Variants in DTNA observed in about 807,000 individuals in gnomAD.
DTNA encodes dystrophin-related protein 3.
A neutral mutation model predicts 100.7 loss-of-function variants in DTNA; 43 were observed. The ratio of observed to expected loss-of-function variants is 0.43; its 90% CI spans 0.33 to 0.55. DTNA has a LOEUF of 0.55. Among genes scored for constraint, DTNA ranks in the 20% least tolerant of loss-of-function variants. The pLI is 0.04. For missense variants in DTNA, 798 were observed against 953.9 expected, an observed-to-expected ratio of 0.84 and a Z score of 2.15; for synonymous variants, 349 against 347.9, an observed-to-expected ratio of 1.00 and a Z score of -0.04.
At chr18:34,684,308 C>T (rs1265950099) in intron 1 of DTNA, among the ~76,000 whole-genome samples, 4 of 152,124 alleles carry the variant, frequency 2.6e-5, no homozygotes, top group African/African-American at 7.2e-5. Context: ...TGCCCCCCAT[C>T]CCGCAACAAG....
chr18:34,883,160 T>G (rs1032299229), intron 21 of DTNA, among the ~76,000 whole-genome samples: 10 of 152,228 alleles, frequency 6.6e-5, no homozygotes, highest in African/African-American at 2.4e-4. Context: ...ATGTTCCTTT[T>G]CCCTTTAATT....
chr18:34,706,632 A>T (rs1311186151), upstream of DTNA, among the ~76,000 whole-genome samples: 1 of 152,198 alleles, frequency 6.6e-6, no homozygotes, highest in Admixed American at 6.5e-5. Context: ...TTAAAAACGG[A>T]TATTTTCTGT....
intron 17 of DTNA, among the ~76,000 whole-genome samples, chr18:34,864,395 A>G (rs1055456372): frequency 6.6e-6 from 1 of 152,000 alleles, no homozygotes; most frequent in African/African-American, 2.4e-5. Context: ...CTGGGACTAC[A>G]GGCCCCCGCC....
intron 1 of DTNA, among the ~76,000 whole-genome samples, chr18:34,622,431 C>T (rs1303114845): frequency 6.6e-6 from 1 of 152,106 alleles, no homozygotes; most frequent in Non-Finnish European, 1.5e-5. Flanking sequence ...GTGTACATGA[C>T]AGTGAGGTGG....
At chr18:34,498,003 G>C (rs189111515) in intron 1 of DTNA, among the ~76,000 whole-genome samples, 502 of 152,244 alleles carry the variant, frequency 3.3e-3, no homozygotes, top group African/African-American at 0.012. Context: ...TTTTAAGGCT[G>C]GGCACGGTGG....
intron 1 of DTNA, among the ~76,000 whole-genome samples, chr18:34,546,251 C>A (rs1199749179): frequency 6.6e-6 from 1 of 152,100 alleles, no homozygotes; most frequent in Non-Finnish European, 1.5e-5. Context: ...ATACTCCCTC[C>A]TTCTGGCCTC....
intron 1 of DTNA, among the ~76,000 whole-genome samples, chr18:34,527,725 A>G (rs1261662392): frequency 1.3e-5 from 2 of 152,138 alleles, no homozygotes; most frequent in African/African-American, 2.4e-5. Flanking sequence ...GCCTAGTTCC[A>G]GGTCAGAGAA....
At position 34,888,975 on chromosome 18, in the gene DTNA, A is replaced by T. The variant is rs1411476014; in HGVS notation, c.*1241A>T. On this transcript the variant is annotated 3_prime_UTR_variant, in exon 23 of 23. Transcript: ENST00000444659. ...AAGTTGAGTTGGGATTTTTGCACTCAGTGAAAAGCTGAAGTGCAAAAGAGC... is the reference window on the plus strand; with the variant it reads ...AAGTTGAGTTGGGATTTTTGCACTCTGTGAAAAGCTGAAGTGCAAAAGAGC... 4 of 985,778 alleles carry T rather than the reference A, an allele frequency of 4.1e-6. No individual in the cohort carries two copies. The highest frequency in any genetic ancestry group is 4.8e-6 in the Non-Finnish European group (4 of 829,944). The allele number at this position is 985,778 out of a possible 1,614,324, so 61.1% of individuals were successfully genotyped here.
At chr18:34,649,201 A>G (rs907561989) in intron 1 of DTNA, among the ~76,000 whole-genome samples, 6 of 152,144 alleles carry the variant, frequency 3.9e-5, no homozygotes, top group Non-Finnish European at 8.8e-5. Context: ...GTCTGTATTT[A>G]TCATCTTGAA....
chr18:34,709,627 C>A (rs1403933113), upstream of DTNA: 1 of 152,156 alleles, frequency 6.6e-6, no homozygotes, highest in African/African-American at 2.4e-5. Flanking sequence ...TAGAGCCCTC[C>A]CCACCTCAGC....
At chr18:34,753,275 C>T (rs1484522311) in intron 1 of DTNA, among the ~76,000 whole-genome samples, 2 of 152,140 alleles carry the variant, frequency 1.3e-5, no homozygotes, top group Admixed American at 1.3e-4. Context: ...CCTGCAAGTT[C>T]AGATGCCAGG....
At chr18:34,540,410 A>G (rs1366054881) in intron 1 of DTNA, among the ~76,000 whole-genome samples, 1 of 152,030 alleles carries the variant, frequency 6.6e-6, no homozygotes, top group Non-Finnish European at 1.5e-5. Flanking sequence ...TATCATTTAT[A>G]TGATTTTCAT....
intron 1 of DTNA, among the ~76,000 whole-genome samples, chr18:34,652,975 A>G (rs2073820225): frequency 6.6e-6 from 1 of 152,132 alleles, no homozygotes; most frequent in African/African-American, 2.4e-5. Context: ...CTTCCTAATG[A>G]TCCACATTGC....
chr18:34,821,968 C>A (rs531733813), intron 9 of DTNA, among the ~76,000 whole-genome samples: 1 of 152,144 alleles, frequency 6.6e-6, no homozygotes, highest in South Asian at 2.1e-4. Flanking sequence ...TGTTGGGTCA[C>A]GTCTGTGAGC....
chr18:34,703,871 C>T (rs1054035482), intron 1 of DTNA, among the ~76,000 whole-genome samples: 2 of 152,084 alleles, frequency 1.3e-5, no homozygotes, highest in African/African-American at 4.8e-5. Context: ...CAATAGTGTG[C>T]ATTTCTTCAG....
At chr18:34,763,667 G>T (rs1005206250) in intron 2 of DTNA, among the ~76,000 whole-genome samples, 1 of 152,096 alleles carries the variant, frequency 6.6e-6, no homozygotes, top group East Asian at 1.9e-4. Context: ...TTCTATACAG[G>T]TAAAGCAATA....
At chr18:34,778,496 T>C (rs1383645321) in intron 3 of DTNA, among the ~76,000 whole-genome samples, 1 of 152,228 alleles carries the variant, frequency 6.6e-6, no homozygotes, top group East Asian at 1.9e-4. Flanking sequence ...TTCAGTGGCA[T>C]TGAATACATT....
chr18:34,760,150 C>G (rs1329045581), intron 2 of DTNA: 1 of 152,152 alleles, frequency 6.6e-6, no homozygotes, highest in Non-Finnish European at 1.5e-5. Context: ...ACCCCACCAC[C>G]GTAGGTTCAT....
At chr18:34,499,865 G>A (rs762474436) in intron 1 of DTNA, among the ~76,000 whole-genome samples, 1 of 151,918 alleles carries the variant, frequency 6.6e-6, no homozygotes, top group Admixed American at 6.6e-5. Context: ...CTCAATAATT[G>A]TTCTTTCTAA....
Sources: allele counts gnomAD v4.1 joint callset (sites outside exome capture counted in the v4.1 genomes callset), GRCh38; gene constraint gnomAD v4.1.1; transcripts MANE v1.5; gene names NCBI Gene and HGNC (gene_info 2026-07-23, HGNC 2026-07-21).